Variants in GRIA1 observed in about 807,000 individuals in gnomAD.
The protein encoded by GRIA1 is glutamate ionotropic receptor AMPA type subunit 1.
GRIA1 carries 31 observed loss-of-function variants against 99.2 expected under a neutral mutation model. That is an observed-to-expected ratio of 0.31 (90% CI 0.23 to 0.42). The LOEUF (loss-of-function observed/expected upper bound fraction) is 0.42, where lower values mean the gene tolerates loss of function less well. Among genes scored for constraint, GRIA1 ranks in the 10% least tolerant of loss-of-function variants. GRIA1 has a pLI of 1.00. For missense variants in GRIA1, 782 were observed against 1,157.5 expected, an observed-to-expected ratio of 0.68 and a Z score of 4.71; for synonymous variants, 438 against 432.4, an observed-to-expected ratio of 1.01 and a Z score of -0.16.
intron 15 of GRIA1, among the ~76,000 whole-genome samples, chr5:153,810,100 T>C (rs1415131777): frequency 1.3e-5 from 2 of 152,232 alleles, no homozygotes; most frequent in East Asian, 1.9e-4. Flanking sequence ...TAAGACGATA[T>C]GGTTCTAGAC....
chr5:153,747,390 A>G (rs1762227549), intron 11 of GRIA1, among the ~76,000 whole-genome samples: 1 of 152,174 alleles, frequency 6.6e-6, no homozygotes, highest in Admixed American at 6.5e-5. Context: ...CCCCATGACA[A>G]ACACTTCCCA....
intron 2 of GRIA1, chr5:153,525,485 T>A (rs932688193): frequency 6.6e-6 from 1 of 151,880 alleles, no homozygotes; most frequent in Admixed American, 6.6e-5. Flanking sequence ...ATACCTACTA[T>A]GTACCACAAA....
intron 2 of GRIA1, among the ~76,000 whole-genome samples, chr5:153,602,869 A>T (rs1011478394): frequency 6.6e-6 from 1 of 151,984 alleles, no homozygotes; most frequent in Non-Finnish European, 1.5e-5. Flanking sequence ...AATAGTCACA[A>T]CCCTTAAGTT....
chr5:153,582,808 T>C (rs1467348516), intron 2 of GRIA1, among the ~76,000 whole-genome samples: 1 of 152,068 alleles, frequency 6.6e-6, no homozygotes, highest in Non-Finnish European at 1.5e-5. Context: ...TGTTTGTTTA[T>C]TTTTGTTAGA....
In GRIA1 at chr5:153,782,504, TA is replaced by T. The variant is rs1764698272; in HGVS notation, c.2270+12090del. ...AAAAGAAACTAGAAATCTCAATTTTTATATAAACTATACAACTTTTTTAGTA... is the reference window on the plus strand; with the variant it reads ...AAAAGAAACTAGAAATCTCAATTTTTTATAAACTATACAACTTTTTTAGTA... On this transcript the variant is annotated intron_variant, in intron 13 of 15. Coordinates refer to ENST00000285900, the MANE Select transcript of GRIA1 (RefSeq NM_000827.4). 2.0e-5 allele frequency among the ~76,000 whole-genome samples: 3 copies of T among 152,322 alleles called. No homozygotes were observed. In the South Asian group the frequency reaches 6.2e-4, roughly 32 times the overall value.
At chr5:153,798,316 A>G (rs376982347) in intron 14 of GRIA1, among the ~76,000 whole-genome samples, 5 of 152,212 alleles carry the variant, frequency 3.3e-5, no homozygotes, top group African/African-American at 9.7e-5. Context: ...CCTTAAGCCA[A>G]AAATACAAGT....
intron 11 of GRIA1, among the ~76,000 whole-genome samples, chr5:153,732,235 T>A (rs762757385): frequency 2.0e-5 from 3 of 151,224 alleles, no homozygotes; most frequent in Non-Finnish European, 2.9e-5. Context: ...CCTTTGGATA[T>A]GTACCCAGAA....
chr5:153,713,375 G>T (rs1759455520), intron 11 of GRIA1, among the ~76,000 whole-genome samples: 1 of 152,242 alleles, frequency 6.6e-6, no homozygotes, highest in South Asian at 2.1e-4. Context: ...CTGCAGTCAT[G>T]GCAGGTGTGA....
chr5:153,623,828 T>C (rs995406028), intron 2 of GRIA1, among the ~76,000 whole-genome samples: 3 of 152,218 alleles, frequency 2.0e-5, no homozygotes, highest in Admixed American at 6.5e-5. Context: ...AGAAGATGGC[T>C]GTTTAAGGCA....
At chr5:153,536,402 G>A (rs17114771) in intron 2 of GRIA1, among the ~76,000 whole-genome samples, 10,512 of 151,964 alleles carry the variant, frequency 0.069, 447 homozygotes, top group South Asian at 0.15. Flanking sequence ...TTATCATTCT[G>A]CCGTACATTA....
chr5:153,734,743 G>C (rs549937500), intron 11 of GRIA1, among the ~76,000 whole-genome samples: 1 of 152,198 alleles, frequency 6.6e-6, no homozygotes, highest in Non-Finnish European at 1.5e-5. Flanking sequence ...GGAGGAAGTT[G>C]CATTTAACCT....
chr5:153,707,869 A>G (rs750701536), intron 11 of GRIA1, among the ~76,000 whole-genome samples: 2 of 152,104 alleles, frequency 1.3e-5, no homozygotes, highest in South Asian at 2.1e-4. Flanking sequence ...CTGCTTGGCC[A>G]ATACTGGCAA....
At chr5:153,557,462 C>T (rs1255263715) in intron 2 of GRIA1, among the ~76,000 whole-genome samples, 1 of 152,150 alleles carries the variant, frequency 6.6e-6, no homozygotes, top group Non-Finnish European at 1.5e-5. Context: ...ACTTGGCTTA[C>T]TGTAATTTTT....
intron 2 of GRIA1, among the ~76,000 whole-genome samples, chr5:153,641,506 C>T (rs552279087): frequency 6.6e-6 from 1 of 152,276 alleles, no homozygotes; most frequent in East Asian, 1.9e-4. Flanking sequence ...CCTCCTGCTT[C>T]CCCAAGAGGG....
At chr5:153,536,245 TCC>T (rs956347984) in intron 2 of GRIA1, among the ~76,000 whole-genome samples, 34 of 152,280 alleles carry the variant, frequency 2.2e-4, no homozygotes, top group African/African-American at 8.2e-4. Context: ...AGCAATGCTC[TCC>T]GTTTTTTTCT....
rs528327682 is a variant in GRIA1, at chr5:153,491,810, C to CT, written c.82+847dup. On this transcript the variant is annotated intron_variant, in intron 1 of 15. Coordinates refer to ENST00000285900, the MANE Select transcript of GRIA1 (RefSeq NM_000827.4). ...GAGGCAGGTTTCAACATGCTGCATG[C>CT]TTTTTTTGTTCCCCATTTCCCCTTC... Among the ~76,000 whole-genome samples the CT allele has an allele frequency of 6.9e-4, 105 of 152,268 alleles. 1 individual carries two copies. The highest frequency in any genetic ancestry group is 2.4e-3 in the African/African-American group (101 of 41,548).
chr5:153,791,451 A>T (rs569208537), intron 13 of GRIA1, among the ~76,000 whole-genome samples: 35 of 152,088 alleles, frequency 2.3e-4, no homozygotes, highest in African/African-American at 8.2e-4. Flanking sequence ...ACTGTGTGCA[A>T]AGTAAAAGTT....
chr5:153,586,675 T>C (rs1330415019), intron 2 of GRIA1, among the ~76,000 whole-genome samples: 1 of 152,096 alleles, frequency 6.6e-6, no homozygotes, highest in Non-Finnish European at 1.5e-5. Flanking sequence ...GGCATGGTGA[T>C]TAAGTAAGGT....
intron 2 of GRIA1, among the ~76,000 whole-genome samples, chr5:153,524,079 G>T (rs1456222298): frequency 6.6e-6 from 1 of 152,204 alleles, no homozygotes; most frequent in Non-Finnish European, 1.5e-5. Flanking sequence ...TGTAATCCCA[G>T]CACTTTGGGA....
Sources: allele counts gnomAD v4.1 joint callset (sites outside exome capture counted in the v4.1 genomes callset), GRCh38; gene constraint gnomAD v4.1.1; transcripts MANE v1.5; gene names NCBI Gene and HGNC (gene_info 2026-07-23, HGNC 2026-07-21).